The following RSRC1 variants were observed in gnomAD, a reference collection of about 807,000 sequenced individuals.
RSRC1 encodes serine/Arginine-related protein 53.
In RSRC1, 39 loss-of-function variants were observed where a neutral mutation model predicts 49.1. The ratio of observed to expected loss-of-function variants is 0.79; its 90% CI spans 0.61 to 1.04. The LOEUF (loss-of-function observed/expected upper bound fraction) is 1.04, where lower values mean the gene tolerates loss of function less well. RSRC1 is among the 50% of genes least tolerant of loss of function. The pLI, the probability that RSRC1 is intolerant of heterozygous loss-of-function variation, is 0.00. For synonymous variants in RSRC1, 143 were observed against 130.8 expected, an observed-to-expected ratio of 1.09 and a Z score of -0.63; for missense variants, 388 against 402.4, an observed-to-expected ratio of 0.96 and a Z score of 0.31.
intron 5 of RSRC1, among the ~76,000 whole-genome samples, chr3:158,300,492 G>A (rs1249774442): frequency 6.6e-6 from 1 of 152,142 alleles, no homozygotes; most frequent in Admixed American, 6.6e-5. Flanking sequence ...TATGGGTTGA[G>A]CATTAATGAA....
chr3:158,226,937 G>A (rs1006044722), intron 4 of RSRC1, among the ~76,000 whole-genome samples: 2 of 151,748 alleles, frequency 1.3e-5, no homozygotes, highest in African/African-American at 4.8e-5. Flanking sequence ...TCATGTATTA[G>A]CGTTTTTGGC....
At position 158,298,108 on chromosome 3, in the gene RSRC1, C is replaced by T. The variant is rs766797843; in HGVS notation, c.531+33C>T. 3.3e-6 allele frequency: 5 copies of T among 1,506,648 alleles called. No individual in the cohort carries two copies. The South Asian group carries it at 3.4e-5, about 10-fold the overall frequency. 93.3% of individuals were successfully genotyped at this position (1,506,648 alleles called of 1,614,324 possible). A position where few individuals can be genotyped will look rare whatever the true frequency, so the allele number is the denominator to read the frequency against. On this transcript the variant is annotated intron_variant, in intron 5 of 9. Transcript: ENST00000611884. ...CTCATTTTCTCTTGAACATTTGCAT[C>T]ATCTTTGATATCTGCATTCTAAATG...
intron 3 of RSRC1, among the ~76,000 whole-genome samples, chr3:158,146,372 A>G (rs1397022909): frequency 3.9e-5 from 6 of 152,156 alleles, no homozygotes; most frequent in Admixed American, 2.6e-4. Context: ...CCTTTTCTGC[A>G]TCTATTGAGA....
chr3:158,212,382 C>G (rs982730845), intron 4 of RSRC1, among the ~76,000 whole-genome samples: 2 of 151,484 alleles, frequency 1.3e-5, no homozygotes, highest in Admixed American at 6.6e-5. Flanking sequence ...AAAAAAAATC[C>G]TATGTAACTT....
intron 7 of RSRC1, among the ~76,000 whole-genome samples, chr3:158,532,581 A>G (rs1294809741): frequency 6.6e-6 from 1 of 151,854 alleles, no homozygotes; most frequent in African/African-American, 2.4e-5. Flanking sequence ...ACAATTTTTT[A>G]AAAATTTTTC....
chr3:158,477,560 A>G (rs1241655023), intron 7 of RSRC1, among the ~76,000 whole-genome samples: 1 of 152,008 alleles, frequency 6.6e-6, no homozygotes, highest in Non-Finnish European at 1.5e-5. Flanking sequence ...AGGCATGTAC[A>G]GTGTTTTTTA....
chr3:158,226,373 G>A (rs181239521), intron 4 of RSRC1, among the ~76,000 whole-genome samples: 163 of 151,946 alleles, frequency 1.1e-3, no homozygotes, highest in African/African-American at 3.5e-3. Context: ...TGAAAGTCCC[G>A]GCCACAGTAG....
intron 3 of RSRC1, among the ~76,000 whole-genome samples, chr3:158,129,534 G>A (rs147586994): frequency 5.3e-5 from 8 of 151,928 alleles, no homozygotes; most frequent in African/African-American, 7.2e-5. Context: ...CAAGTGATCC[G>A]CCCGCCTTGG....
At chr3:158,517,050 C>T (rs1740597016) in intron 7 of RSRC1, among the ~76,000 whole-genome samples, 1 of 152,216 alleles carries the variant, frequency 6.6e-6, no homozygotes, top group Admixed American at 6.5e-5. Context: ...CAGAAATCAC[C>T]CGTCTTCTGC....
intron 4 of RSRC1, among the ~76,000 whole-genome samples, chr3:158,263,247 T>G (rs73166361): frequency 0.14 from 21,472 of 152,170 alleles, 1,654 homozygotes; most frequent in Middle Eastern, 0.21. Context: ...GTTGTTTTAT[T>G]TTGTCAAATG....
At chr3:158,369,560 T>G (rs1442988612) in intron 6 of RSRC1, among the ~76,000 whole-genome samples, 1 of 152,158 alleles carries the variant, frequency 6.6e-6, no homozygotes, top group South Asian at 2.1e-4. Context: ...TCTTTTTTCT[T>G]TCATAATAAC....
chr3:158,441,037 G>A (rs573594135), intron 6 of RSRC1, among the ~76,000 whole-genome samples: 37 of 152,114 alleles, frequency 2.4e-4, no homozygotes, highest in African/African-American at 8.2e-4. Flanking sequence ...TTTATTAATC[G>A]TACATAAGCA....
chr3:158,260,713 C>T (rs1724846410), intron 4 of RSRC1, among the ~76,000 whole-genome samples: 1 of 152,176 alleles, frequency 6.6e-6, no homozygotes, highest in Admixed American at 6.5e-5. Context: ...CCCATATTGA[C>T]AGAGCTTGCC....
intron 7 of RSRC1, among the ~76,000 whole-genome samples, chr3:158,519,311 A>G (rs1711533338): frequency 1.3e-5 from 2 of 152,132 alleles, no homozygotes; most frequent in Middle Eastern, 3.4e-3. Flanking sequence ...ACTCTCTTAC[A>G]TTAGAGTGAC....
intron 6 of RSRC1, among the ~76,000 whole-genome samples, chr3:158,448,063 C>A (rs1736815808): frequency 6.6e-6 from 1 of 151,616 alleles, no homozygotes; most frequent in Non-Finnish European, 1.5e-5. Flanking sequence ...TAGCTCCAAA[C>A]CCCAGAGTTT....
At chr3:158,324,276 A>G (rs1009593809) in intron 5 of RSRC1, among the ~76,000 whole-genome samples, 13 of 151,980 alleles carry the variant, frequency 8.6e-5, no homozygotes, top group Non-Finnish European at 1.9e-4. Context: ...GTACATGTGC[A>G]CAACGTGCAG....
chr3:158,415,854 G>T (rs146002779), intron 6 of RSRC1, among the ~76,000 whole-genome samples: 1 of 151,922 alleles, frequency 6.6e-6, no homozygotes, highest in Non-Finnish European at 1.5e-5. Flanking sequence ...TTCCCTTTAA[G>T]ATATGTAATT....
At chr3:158,321,308 CT>C (rs2108166923) in intron 5 of RSRC1, among the ~76,000 whole-genome samples, 1 of 151,942 alleles carries the variant, frequency 6.6e-6, no homozygotes, top group Non-Finnish European at 1.5e-5. Flanking sequence ...TCTTCTTCCT[CT>C]TCTTCCTCTT....
intron 5 of RSRC1, among the ~76,000 whole-genome samples, chr3:158,333,151 G>A (rs1013692222): frequency 6.6e-6 from 1 of 152,008 alleles, no homozygotes; most frequent in Non-Finnish European, 1.5e-5. Flanking sequence ...TGTATTTTTA[G>A]TAGAGACAGG....
Sources: allele counts gnomAD v4.1 joint callset (sites outside exome capture counted in the v4.1 genomes callset), GRCh38; gene constraint gnomAD v4.1.1; transcripts MANE v1.5; gene names NCBI Gene and HGNC (gene_info 2026-07-23, HGNC 2026-07-21).